The following DOK5 variants were observed in gnomAD, a reference collection of about 807,000 sequenced individuals.
The protein encoded by DOK5 is downstream of tyrosine kinase 5.
DOK5 carries 27 observed loss-of-function variants against 43.3 expected under a neutral mutation model. That is an observed-to-expected ratio of 0.62 (90% CI 0.46 to 0.86). The LOEUF is 0.86. DOK5 is among the 40% of genes least tolerant of loss of function. The pLI is 0.00. For synonymous variants in DOK5, 146 were observed against 140.1 expected (o/e 1.04, Z -0.30); for missense variants, 373 against 392.9 (o/e 0.95, Z 0.43).
intron 1 of DOK5, among the ~76,000 whole-genome samples, chr20:54,553,019 G>A (rs1046306290): frequency 6.6e-6 from 1 of 152,086 alleles, no homozygotes; most frequent in Admixed American, 6.5e-5. Context: ...TTAGCTCAGA[G>A]GTTCTTAAAC....
At chr20:54,601,037 G>A (rs1325102784) in intron 5 of DOK5, among the ~76,000 whole-genome samples, 2 of 152,194 alleles carry the variant, frequency 1.3e-5, no homozygotes, top group Admixed American at 6.5e-5. Flanking sequence ...CTTGGATGAT[G>A]ATAGGTTTTT....
chr20:54,599,388 T>C (rs1986240585), intron 5 of DOK5, among the ~76,000 whole-genome samples: 1 of 152,206 alleles, frequency 6.6e-6, no homozygotes, highest in Non-Finnish European at 1.5e-5. Context: ...TTATAAATAT[T>C]CCAATAGTAG....
chr20:54,493,266 C>T (rs1982263362), intron 1 of DOK5, among the ~76,000 whole-genome samples: 1 of 152,114 alleles, frequency 6.6e-6, no homozygotes, highest in Non-Finnish European at 1.5e-5. Flanking sequence ...TGACCCAGAG[C>T]CTGCTGCGTT....
intron 2 of DOK5, among the ~76,000 whole-genome samples, chr20:54,561,917 A>G (rs991933442): frequency 1.3e-5 from 2 of 152,174 alleles, no homozygotes; most frequent in Non-Finnish European, 2.9e-5. Context: ...TCGGCCTTCC[A>G]AAGTGCTGGG....
chr20:54,644,712 A>ACAAACAAACAAACAAAC lies in DOK5; in HGVS notation c.856+1134_856+1135insCAAACAAACAAACAAAC, dbSNP rs781499554. 3.8e-5 allele frequency among the ~76,000 whole-genome samples: 5 copies of ACAAACAAACAAACAAAC among 130,756 alleles called. No individual in the cohort carries two copies. The East Asian group carries it at 6.8e-4, about 18-fold the overall frequency. The allele number at this position is 130,756 out of a possible 152,430, so 85.8% of individuals were successfully genotyped here. On this transcript the variant is annotated intron_variant, in intron 7 of 7. Transcript: ENST00000262593. ...CAGAGAGAGACTCCGTCTCAAAAAA[A>ACAAACAAACAAACAAAC]AAAAAAAAAAAACAAAATTTAGCTG... is the stretch of plus-strand genomic sequence containing the variant.
chr20:54,545,076 G>A (rs925692845), intron 1 of DOK5, among the ~76,000 whole-genome samples: 4 of 152,162 alleles, frequency 2.6e-5, no homozygotes, highest in Non-Finnish European at 5.9e-5. Context: ...TTCTCCCAAC[G>A]TTAGCTTGGC....
chr20:54,602,296 C>T (rs773119089), intron 5 of DOK5, among the ~76,000 whole-genome samples: 2 of 152,220 alleles, frequency 1.3e-5, no homozygotes, highest in Non-Finnish European at 2.9e-5. Context: ...ATGGAGACTT[C>T]GAGAAGTCAA....
chr20:54,564,659 A>G (rs539259087), intron 2 of DOK5, among the ~76,000 whole-genome samples: 2 of 152,342 alleles, frequency 1.3e-5, no homozygotes, highest in East Asian at 1.9e-4. Context: ...TAGTATGACC[A>G]TGGTTGAAAC....
intron 1 of DOK5, among the ~76,000 whole-genome samples, chr20:54,520,277 C>T (rs1421969600): frequency 6.6e-6 from 1 of 152,148 alleles, no homozygotes; most frequent in East Asian, 1.9e-4. Context: ...TTCTAAGCCC[C>T]TTATCAAATT....
chr20:54,535,182 C>T (rs1983919228), intron 1 of DOK5, among the ~76,000 whole-genome samples: 1 of 152,150 alleles, frequency 6.6e-6, no homozygotes, highest in Non-Finnish European at 1.5e-5. Flanking sequence ...CAACTGTCTC[C>T]TCTATGGCCA....
chr20:54,486,512 A>G (rs1981939503), intron 1 of DOK5, among the ~76,000 whole-genome samples: 1 of 152,114 alleles, frequency 6.6e-6, no homozygotes, highest in African/African-American at 2.4e-5. Flanking sequence ...TTTTAAAATA[A>G]TGTCTATAAC....
chr20:54,530,393 T>C (rs2146705311), intron 1 of DOK5, among the ~76,000 whole-genome samples: 1 of 152,288 alleles, frequency 6.6e-6, no homozygotes, highest in East Asian at 1.9e-4. Flanking sequence ...AGAGTCTACA[T>C]TGAGGCAGCC....
chr20:54,490,924 T>C (rs2146667805), intron 1 of DOK5, among the ~76,000 whole-genome samples: 1 of 152,340 alleles, frequency 6.6e-6, no homozygotes, highest in Admixed American at 6.5e-5. Flanking sequence ...CTATAGCATC[T>C]ACTTTTCACT....
Position 54,591,620 on chromosome 20 carries a change from A to G in DOK5, c.414A>G (p.Arg138=). ...AACCTTTTGTTTTTCTCCCAGAGAG[A>G]TTCAATGTGTATTTGATGCCATCTC... ...ATGVEREQSE[R]FNVYLMPSPN... The change falls in exon 5 of 8, where the codon AGA becomes AGG. Residue 138 remains arginine (R), a synonymous_variant. Transcript: ENST00000262593. 2 of 1,596,034 alleles carry G rather than the reference A, an allele frequency of 1.3e-6. No homozygotes were observed. Among genetic ancestry groups the G allele is most frequent in the Non-Finnish European group, 8.5e-7 (1 of 1,171,102 alleles).
intron 2 of DOK5, among the ~76,000 whole-genome samples, chr20:54,566,405 T>A (rs756015572): frequency 1.3e-5 from 2 of 152,182 alleles, no homozygotes; most frequent in African/African-American, 2.4e-5. Context: ...GAACATAAGT[T>A]GTCCCCCCTC....
chr20:54,492,627 T>G (rs893027470), intron 1 of DOK5, among the ~76,000 whole-genome samples: 3 of 152,094 alleles, frequency 2.0e-5, no homozygotes, highest in African/African-American at 7.2e-5. Context: ...AAAACAAATT[T>G]TCTTCAAAGA....
intron 6 of DOK5, among the ~76,000 whole-genome samples, chr20:54,637,495 G>A (rs1225421685): frequency 6.6e-6 from 1 of 152,224 alleles, no homozygotes; most frequent in Non-Finnish European, 1.5e-5. Context: ...CTAAATGATT[G>A]TGCATATACA....
chr20:54,556,204 C>T (rs936932394), intron 2 of DOK5, among the ~76,000 whole-genome samples: 3 of 152,068 alleles, frequency 2.0e-5, no homozygotes, highest in African/African-American at 4.8e-5. Context: ...TCCCTGTCAC[C>T]CCATGAAGCA....
At chr20:54,511,334 C>T (rs1001380563) in intron 1 of DOK5, among the ~76,000 whole-genome samples, 2 of 152,180 alleles carry the variant, frequency 1.3e-5, no homozygotes, top group Non-Finnish European at 2.9e-5. Context: ...CATTGCTTTG[C>T]TAATAGGTAC....
Sources: allele counts gnomAD v4.1 joint callset (sites outside exome capture counted in the v4.1 genomes callset), GRCh38; gene constraint gnomAD v4.1.1; transcripts MANE v1.5; gene names NCBI Gene and HGNC (gene_info 2026-07-23, HGNC 2026-07-21).